CLINT1: variants seen among roughly 807,000 people sequenced by gnomAD.
CLINT1 encodes the protein clathrin interactor 1, also known as clathrin interacting protein localized in the trans-Golgi region.
A neutral mutation model predicts 70.4 loss-of-function variants in CLINT1; 15 were observed. The ratio of observed to expected loss-of-function variants is 0.21; its 90% CI spans 0.14 to 0.33. The LOEUF is 0.33. Ranked by LOEUF, CLINT1 falls within the 10% of genes least tolerant of loss-of-function variation. CLINT1 has a pLI of 1.00. For synonymous variants in CLINT1, 227 were observed against 254.7 expected (o/e 0.89, Z 1.04); for missense variants, 615 against 778.1 (o/e 0.79, Z 2.49).
intron 1 of CLINT1, among the ~76,000 whole-genome samples, chr5:157,857,350 C>T (rs757229974): frequency 6.6e-6 from 1 of 151,934 alleles, no homozygotes; most frequent in Non-Finnish European, 1.5e-5. Context: ...TGGAAAAGAT[C>T]TAGTTTATTT....
At chr5:157,817,594 A>G (rs1053209352) in intron 1 of CLINT1, 47 bp from the exon 2 acceptor site, 4 of 1,232,010 alleles carry the variant, frequency 3.2e-6, no homozygotes, top group Non-Finnish European at 4.7e-6. Context: ...GATTAGCATC[A>G]AAACTGAGAA....
chr5:157,818,709 T>C (rs1490622551), intron 1 of CLINT1, among the ~76,000 whole-genome samples: 1 of 152,076 alleles, frequency 6.6e-6, no homozygotes, highest in Non-Finnish European at 1.5e-5. Context: ...CAAAACATTA[T>C]GTAATATTTT....
intron 1 of CLINT1, 103 bp from the exon 2 acceptor site, chr5:157,817,650 T>A (rs1195889289): frequency 1.4e-6 from 1 of 709,482 alleles, no homozygotes. Context: ...CCTAATGAGC[T>A]ACCTCTACAG....
chr5:157,842,855 A>C (rs1269586866), intron 1 of CLINT1, among the ~76,000 whole-genome samples: 1 of 152,230 alleles, frequency 6.6e-6, no homozygotes, highest in African/African-American at 2.4e-5. Context: ...TTTTGCGTGT[A>C]AGTTTAACCA....
Position 157,829,111 on chromosome 5 carries a change from CA to C in CLINT1, c.42-11565del, listed in dbSNP as rs1763136657. On this transcript the variant is annotated intron_variant, in intron 1 of 11. Coordinates refer to ENST00000411809, the MANE Select transcript of CLINT1 (RefSeq NM_014666.4). ...AGCGAGACTCTGCCTCAAACAACAA[CA>C]ACAGCAACAACAACAACAACAAAAA... is the stretch of plus-strand genomic sequence containing the variant. 3.3e-5 allele frequency among the ~76,000 whole-genome samples: 5 copies of C among 151,472 alleles called. No homozygotes were observed. The Middle Eastern group carries it at 0.01, about 309-fold the overall frequency.
At chr5:157,796,525 G>C (rs1446775276) in intron 8 of CLINT1, among the ~76,000 whole-genome samples, 1 of 152,154 alleles carries the variant, frequency 6.6e-6, no homozygotes, top group Non-Finnish European at 1.5e-5. Context: ...AGTGTTATGT[G>C]AACATTATAT....
At chr5:157,828,700 A>G (rs1345595595) in intron 1 of CLINT1, among the ~76,000 whole-genome samples, 3 of 152,108 alleles carry the variant, frequency 2.0e-5, no homozygotes, top group Non-Finnish European at 4.4e-5. Context: ...ATTGCTAAAG[A>G]AGTATCCCTG....
At position 157,810,608 on chromosome 5, in the gene CLINT1, T is replaced by C. The variant is rs182034234; in HGVS notation, c.518-803A>G. ...AAATGTCAAGATTTGTTTTAGTCCT[T>C]GCCCCTAGGGACCCAAAGGAGACAT... On this transcript the variant is annotated intron_variant, in intron 5 of 11. Coordinates refer to ENST00000411809, the MANE Select transcript of CLINT1 (RefSeq NM_014666.4). 1.3e-4 allele frequency among the ~76,000 whole-genome samples: 20 copies of C among 152,276 alleles called. No individual in the cohort carries two copies. The East Asian group carries it at 3.9e-3, about 29-fold the overall frequency.
At position 157,813,172 on chromosome 5, in the gene CLINT1, A is replaced by G; in HGVS notation, c.408T>C (p.Val136=). Residue 136 remains valine, a synonymous_variant, in exon 5 of 12, where the codon GTT becomes GTC. Coordinates refer to ENST00000411809, the MANE Select transcript of CLINT1 (RefSeq NM_014666.4). The stretch of plus-strand genomic sequence containing the variant: ...GCCTGTCGTCATCCTGGGCAAATTC[A>G]ACCAATTCCTTCACCTTCTGTCGAA... ...INIRQKVKEL[V]EFAQDDDRLR... 4.3e-6 allele frequency: 7 copies of G among 1,613,778 alleles called. No homozygotes were observed. The highest frequency in any genetic ancestry group is 5.9e-6 in the Non-Finnish European group (7 of 1,179,828).
chr5:157,817,795 A>C (rs761039186), intron 1 of CLINT1, among the ~76,000 whole-genome samples: 36 of 152,216 alleles, frequency 2.4e-4, no homozygotes, highest in Admixed American at 6.5e-4. Context: ...TAGAGCTGGC[A>C]TTAAGTCCAG....
At chr5:157,843,239 A>C (rs1250571324) in intron 1 of CLINT1, among the ~76,000 whole-genome samples, 2 of 152,208 alleles carry the variant, frequency 1.3e-5, no homozygotes, top group Non-Finnish European at 2.9e-5. Context: ...TCTAAATTTT[A>C]AACTTTTTAA....
chr5:157,800,233 TCA>T (rs950625978), intron 8 of CLINT1, among the ~76,000 whole-genome samples: 1 of 152,086 alleles, frequency 6.6e-6, no homozygotes, highest in African/African-American at 2.4e-5. Context: ...GAACATGTAA[TCA>T]CACACACACA....
chr5:157,794,618 TACTC>T (rs1386464100), intron 9 of CLINT1, among the ~76,000 whole-genome samples: 19 of 152,318 alleles, frequency 1.2e-4, no homozygotes, highest in African/African-American at 2.9e-4. Context: ...GATACAGAGA[TACTC>T]ACATCCTCCT....
At chr5:157,842,827 A>T in intron 1 of CLINT1, among the ~76,000 whole-genome samples, 1 of 152,238 alleles carries the variant, frequency 6.6e-6, no homozygotes, top group East Asian at 1.9e-4. Context: ...TACTTACAGC[A>T]ACTTCAGACT....
At chr5:157,796,631 T>A (rs1273900437) in intron 8 of CLINT1, among the ~76,000 whole-genome samples, 1 of 152,162 alleles carries the variant, frequency 6.6e-6, no homozygotes, top group Admixed American at 6.5e-5. Flanking sequence ...AGGGACAGCT[T>A]CCAACATCTG....
At chr5:157,812,607 G>A (rs1762597416) in intron 5 of CLINT1, among the ~76,000 whole-genome samples, 2 of 152,206 alleles carry the variant, frequency 1.3e-5, no homozygotes, top group African/African-American at 4.8e-5. Flanking sequence ...TAAAGAAAGA[G>A]AGACTGAGGC....
intron 6 of CLINT1, among the ~76,000 whole-genome samples, chr5:157,809,399 G>C (rs1040623583): frequency 6.6e-6 from 1 of 151,246 alleles, no homozygotes; most frequent in African/African-American, 2.4e-5. Flanking sequence ...GATGTTCACA[G>C]AACCTGTTAT....
chr5:157,804,726 A>T (rs1295866096), intron 7 of CLINT1, among the ~76,000 whole-genome samples: 1 of 152,138 alleles, frequency 6.6e-6, no homozygotes, highest in Non-Finnish European at 1.5e-5. Flanking sequence ...GGAGTTCGAG[A>T]CTAGCCTGAC....
intron 9 of CLINT1, among the ~76,000 whole-genome samples, chr5:157,793,411 A>G (rs1162326409): frequency 6.6e-6 from 1 of 152,218 alleles, no homozygotes; most frequent in Non-Finnish European, 1.5e-5. Context: ...GAAATGATTA[A>G]TCGTGGGAGG....
Sources: gnomAD v4.1 joint callset for allele counts (sites outside exome capture counted in the v4.1 genomes callset) on GRCh38, gnomAD v4.1.1 for gene constraint, MANE v1.5 for transcripts, NCBI Gene and HGNC (gene_info 2026-07-23, HGNC 2026-07-21) for gene names.